The following GMPS variants were observed in gnomAD, a reference collection of about 807,000 sequenced individuals.
GMPS encodes guanosine monophosphate synthase.
Under a neutral mutation model 77.9 loss-of-function variants are expected in GMPS, and 15 were observed. The ratio of observed to expected loss-of-function variants is 0.19; its 90% confidence interval spans 0.13 to 0.30. GMPS has a LOEUF of 0.30. Ranked by LOEUF, GMPS falls within the 10% of genes least tolerant of loss-of-function variation. The probability of loss-of-function intolerance (pLI) is 1.00; values close to 1 mark genes in which losing one functional copy is unlikely to be tolerated. For missense variants in GMPS, 590 were observed against 838.8 expected (o/e 0.70, Z 3.66); for synonymous variants, 224 against 275.9 (o/e 0.81, Z 1.86).
chr3:155,913,776 C>A (rs1755098507), intron 7 of GMPS, among the ~76,000 whole-genome samples: 1 of 152,034 alleles, frequency 6.6e-6, no homozygotes, highest in Admixed American at 6.6e-5. Flanking sequence ...CCAACTTGGC[C>A]TCCCAAAGTG....
intron 9 of GMPS, among the ~76,000 whole-genome samples, chr3:155,918,052 A>G (rs1014024797): frequency 1.3e-5 from 2 of 152,164 alleles, no homozygotes; most frequent in Non-Finnish European, 2.9e-5. Flanking sequence ...CAATTGCACC[A>G]TTTTACAATC....
At chr3:155,870,592 C>A (rs1243938405), upstream of GMPS, 2 of 395,564 alleles carry the variant, frequency 5.1e-6, no homozygotes, top group South Asian at 1.0e-4. Context: ...GGCTGCCAAG[C>A]CGAACGGGCT....
In GMPS at chr3:155,935,025, C is replaced by T; in HGVS notation, c.1786C>T (p.His596Tyr). ...TTTACGCCAAGCTGATTTTGAGGCC[C>T]ATAACATTCTCAGGGAGTCTGGTAA... is the stretch of plus-strand genomic sequence containing the variant. ...STLRQADFEA[H>Y]NILRESGYAG... The change falls in exon 14 of 16, where the codon CAT becomes TAT. Residue 596 changes from histidine to tyrosine, a missense_variant. Physicochemically the swap from His to Tyr is moderately conservative, Grantham distance 83 (BLOSUM62 2). Around this residue, in one of 6 missense-constraint regions of GMPS, gnomAD observed 73 missense variants for 170.5 expected, o/e 0.43. Coordinates refer to ENST00000496455, the MANE Select transcript of GMPS (RefSeq NM_003875.3). 6.2e-7 allele frequency: 1 copy of T among 1,609,250 alleles called. No homozygotes were observed. The highest frequency in any genetic ancestry group is 8.5e-7 in the Non-Finnish European group (1 of 1,175,604).
intron 1 of GMPS, among the ~76,000 whole-genome samples, chr3:155,880,789 A>G (rs9855091): frequency 0.021 from 3,210 of 152,266 alleles, 106 homozygotes; most frequent in African/African-American, 0.072. Flanking sequence ...TATCTTGCCT[A>G]AGGTGGTACA....
chr3:155,906,134 G>C, intron 4 of GMPS, 26 bp from the exon 5 acceptor site: 1 of 1,271,950 alleles, frequency 7.9e-7, no homozygotes, highest in Non-Finnish European at 1.1e-6. Flanking sequence ...TAAGATATTT[G>C]TGTGTTTTAT....
rs1001611302 is a variant in GMPS, at chr3:155,939,047, G to A, written c.*1355G>A. ...TGTTAGACAAACAACAAAATGATGC[G>A]TGGCAGAAGTCATCTTTTTATTCTG... On this transcript the variant is annotated 3_prime_UTR_variant, in exon 16 of 16. Transcript: ENST00000496455. The A allele has an allele frequency of 2.7e-5, 6 of 218,240 alleles. No homozygotes were observed. The highest frequency in any genetic ancestry group is 9.0e-5 in the African/African-American group (4 of 44,646). The allele number at this position is 218,240 out of a possible 1,614,324, so 13.5% of individuals were successfully genotyped here.
At chr3:155,904,563 A>G (rs571940562) in intron 4 of GMPS, among the ~76,000 whole-genome samples, 1 of 152,324 alleles carries the variant, frequency 6.6e-6, no homozygotes, top group African/African-American at 2.4e-5. Flanking sequence ...TGCTGGGATT[A>G]CAGGTGTGAG....
intron 3 of GMPS, among the ~76,000 whole-genome samples, chr3:155,902,742 G>A (rs1394694399): frequency 6.6e-6 from 1 of 152,164 alleles, no homozygotes; most frequent in East Asian, 1.9e-4. Context: ...AACATTGGTA[G>A]GTCTCTAGAA....
chr3:155,887,954 T>A (rs1256013875), intron 1 of GMPS, among the ~76,000 whole-genome samples: 2 of 152,202 alleles, frequency 1.3e-5, no homozygotes, highest in Non-Finnish European at 2.9e-5. Flanking sequence ...ACAACAGAAC[T>A]ACAGAGTCTT....
chr3:155,896,729 A>AT (rs1020255894), intron 2 of GMPS, among the ~76,000 whole-genome samples: 15,193 of 91,920 alleles, frequency 0.17, 1,309 homozygotes, highest in East Asian at 0.21. Flanking sequence ...CCTTACTGAG[A>AT]TTTTTTTTTT....
Position 155,931,831 on chromosome 3 carries a change from C to T in GMPS, c.1627C>T (p.Leu543Phe), listed in dbSNP as rs1185733260. The change falls in exon 13 of 16, where the codon CTT becomes TTT. Residue 543 changes from leucine to phenylalanine, a missense_variant. Transcript: ENST00000496455. Reference protein sequence around the residue: ...SSKDEPDWESLIFLARLIPRM... With the variant: ...SSKDEPDWESFIFLARLIPRM... ...TAAAGATGAACCTGACTGGGAATCACTTATTTTTCTGGCTAGGCTTATACC... is the reference window on the plus strand; with the variant it reads ...TAAAGATGAACCTGACTGGGAATCATTTATTTTTCTGGCTAGGCTTATACC... 5.0e-6 allele frequency: 8 copies of T among 1,600,280 alleles called. No homozygotes were observed. The highest frequency in any genetic ancestry group is 6.9e-6 in the Non-Finnish European group (8 of 1,167,738).
chr3:155,920,574 T>TAAAAAA (rs145651357), intron 10 of GMPS, among the ~76,000 whole-genome samples: 2 of 109,740 alleles, frequency 1.8e-5, no homozygotes, highest in Middle Eastern at 5.1e-3. Context: ...GACTCCATCT[T>TAAAAAA]AAAAAAAAAA....
At chr3:155,937,524 T>G in intron 15 of GMPS, 67 bp from the exon 16 acceptor site, 2 of 727,468 alleles carry the variant, frequency 2.7e-6, no homozygotes, top group Non-Finnish European at 4.9e-6. Context: ...AAATTACAAA[T>G]GTAAGCCCTC....
At chr3:155,930,157 CAG>C (rs1388689938) in intron 12 of GMPS, among the ~76,000 whole-genome samples, 2 of 144,924 alleles carry the variant, frequency 1.4e-5, no homozygotes, top group African/African-American at 5.1e-5. Context: ...GGTACCAAAA[CAG>C]AGATATAGAT....
upstream of GMPS, among the ~76,000 whole-genome samples, chr3:155,870,226 C>A (rs1305826528): frequency 2.0e-5 from 3 of 152,272 alleles, no homozygotes; most frequent in Non-Finnish European, 4.4e-5. Context: ...GGCCACGCCA[C>A]CGGCTAAGAG....
intron 3 of GMPS, among the ~76,000 whole-genome samples, chr3:155,903,195 C>T (rs554264796): frequency 1.3e-4 from 20 of 152,268 alleles, no homozygotes; most frequent in African/African-American, 4.3e-4. Flanking sequence ...TTGCAAAAAT[C>T]TTCTGTATAT....
At chr3:155,933,480 C>A (rs1002440206) in intron 13 of GMPS, among the ~76,000 whole-genome samples, 2 of 152,066 alleles carry the variant, frequency 1.3e-5, no homozygotes, top group East Asian at 3.9e-4. Flanking sequence ...CTGTAAAGAT[C>A]TTTTATGAAC....
intron 1 of GMPS, among the ~76,000 whole-genome samples, chr3:155,873,603 G>T (rs1373838674): frequency 6.9e-6 from 1 of 145,440 alleles, no homozygotes; most frequent in Non-Finnish European, 1.5e-5. Context: ...GTATGTTATT[G>T]GGGAGCAGGT....
intron 1 of GMPS, among the ~76,000 whole-genome samples, chr3:155,892,333 G>A (rs970090760): frequency 5.3e-5 from 8 of 151,812 alleles, no homozygotes; most frequent in East Asian, 1.9e-4. Context: ...CTTTTAAAGC[G>A]TTTCTTTATG....
Sources: gnomAD v4.1 joint callset for allele counts (sites outside exome capture counted in the v4.1 genomes callset) on GRCh38, gnomAD v4.1.1 for gene constraint, gnomAD v4.1.1 regional missense constraint, MANE v1.5 for transcripts, NCBI Gene and HGNC (gene_info 2026-07-23, HGNC 2026-07-21) for gene names.